DLGAP3: variants seen among roughly 807,000 people sequenced by gnomAD.
The protein encoded by DLGAP3 is disks large-associated protein 3.
Under a neutral mutation model 81.2 loss-of-function variants are expected in DLGAP3, and 17 were observed. The ratio of observed to expected loss-of-function variants is 0.21; its 90% CI spans 0.14 to 0.31. The LOEUF is 0.31. Among genes scored for constraint, DLGAP3 ranks in the 10% least tolerant of loss-of-function variants. DLGAP3 has a pLI of 1.00. For missense variants in DLGAP3, 1,124 were observed against 1,388.0 expected (o/e 0.81, Z 3.02); for synonymous variants, 577 against 587.4 (o/e 0.98, Z 0.26).
rs1007082130 is a variant in DLGAP3, at chr1:34,899,691, C to T, written c.1364G>A (p.Ser455Asn). The change falls in exon 5 of 12, where the codon AGC becomes AAC. Residue 455 changes from serine to asparagine, a missense_variant. Ser to Asn is a conservative substitution (Grantham distance 46). Transcript: ENST00000373347. ...TACCTGTCCAGTGGTGAGGGAACGG[C>T]TGTAGCCAGGGATGGAGCTCCGGGG... Reference protein sequence around the residue: ...IHPRSSIPGYSRSLTTGQLSD... With the variant: ...IHPRSSIPGYNRSLTTGQLSD... The T allele has an allele frequency of 4.3e-6, 7 of 1,613,874 alleles. No individual in the cohort carries two copies. The highest frequency in any genetic ancestry group is 1.3e-5 in the African/African-American group (1 of 74,892).
intron 1 of DLGAP3, among the ~76,000 whole-genome samples, chr1:34,909,397 C>T (rs550161209): frequency 4.6e-5 from 7 of 152,288 alleles, no homozygotes; most frequent in African/African-American, 1.7e-4. Flanking sequence ...GAGACCAGAA[C>T]GTATGTGACA....
intron 1 of DLGAP3, among the ~76,000 whole-genome samples, chr1:34,917,672 A>G (rs1219821154): frequency 6.6e-6 from 1 of 152,210 alleles, no homozygotes; most frequent in Non-Finnish European, 1.5e-5. Context: ...GTTTGTGTGC[A>G]TAGAAGCTGC....
At chr1:34,927,867 C>A (rs1159812184) in intron 1 of DLGAP3, among the ~76,000 whole-genome samples, 1 of 152,144 alleles carries the variant, frequency 6.6e-6, no homozygotes, top group African/African-American at 2.4e-5. Context: ...CACTGAAAGA[C>A]CTGGGCTGAG....
Position 34,878,630 on chromosome 1 carries a change from A to C in DLGAP3, c.2000+6348T>G, listed in dbSNP as rs540813293. On this transcript the variant is annotated intron_variant, in intron 8 of 11. Coordinates refer to ENST00000373347, the MANE Select transcript of DLGAP3 (RefSeq NM_001080418.3). ...ATGACATATCCACAATCATGGTGAG[A>C]CATTTTTAACACACCTCTCAGAACT... Among the ~76,000 whole-genome samples, 11 of 152,372 alleles carry C rather than the reference A, an allele frequency of 7.2e-5. No homozygotes were observed. In the South Asian group the frequency reaches 1.7e-3, roughly 23 times the overall value.
At chr1:34,913,109 C>A (rs1303851318) in intron 1 of DLGAP3, among the ~76,000 whole-genome samples, 1 of 152,178 alleles carries the variant, frequency 6.6e-6, no homozygotes, top group East Asian at 1.9e-4. Context: ...CTCCTTTTCC[C>A]CTCACTGCCC....
chr1:34,904,871 C>G lies in DLGAP3; in HGVS notation c.513G>C (p.Arg171=), dbSNP rs750650239. The G allele has an allele frequency of 5.3e-5, 86 of 1,610,216 alleles. No homozygotes were observed. The highest frequency in any genetic ancestry group is 6.9e-5 in the Non-Finnish European group (82 of 1,180,014). The change falls in exon 3 of 12, where the codon CGG becomes CGC. Residue 171 remains arginine, a synonymous_variant. Coordinates refer to ENST00000373347, the MANE Select transcript of DLGAP3 (RefSeq NM_001080418.3). The surrounding 1 kb of genome is among the most constrained non-coding windows in gnomAD (Gnocchi z 8.1). ...EPRSESPSRI[R]HLVHSVQKLF... is the part of the protein sequence containing the mutation. ...GCTTCTGCACAGAATGAACCAGGTG[C>G]CGGATGCGGCTAGGGCTCTCACTGC...
chr1:34,897,816 C>T (rs527630449), intron 5 of DLGAP3, among the ~76,000 whole-genome samples: 175 of 152,064 alleles, frequency 1.2e-3, no homozygotes, highest in Admixed American at 2.8e-3. Flanking sequence ...GTGGTTGGAT[C>T]CTGGATATAT....
At chr1:34,901,671 G>C (rs1193990456) in intron 3 of DLGAP3, among the ~76,000 whole-genome samples, 1 of 152,190 alleles carries the variant, frequency 6.6e-6, no homozygotes, top group Non-Finnish European at 1.5e-5. Flanking sequence ...GCACTGAAAA[G>C]TAGCTTTTGA....
At chr1:34,927,152 T>TA (rs1639885330) in intron 1 of DLGAP3, among the ~76,000 whole-genome samples, 1 of 152,188 alleles carries the variant, frequency 6.6e-6, no homozygotes, top group Admixed American at 6.5e-5. Flanking sequence ...GCGACATCTG[T>TA]AGCGCCCTCT....
chr1:34,866,717 C>A (rs561366806), intron 11 of DLGAP3, among the ~76,000 whole-genome samples: 3 of 152,198 alleles, frequency 2.0e-5, no homozygotes, highest in African/African-American at 7.2e-5. Context: ...GATGCCTAGG[C>A]CCGAACTGAG....
In DLGAP3 at chr1:34,886,301, T is replaced by TCGGG. The variant is rs1354252608; in HGVS notation, c.1387-20_1387-17dup. The TCGGG allele has an allele frequency of 4.5e-6, 7 of 1,558,710 alleles. No individual in the cohort carries two copies. Among genetic ancestry groups the TCGGG allele is most frequent in the Non-Finnish European group, 6.1e-6 (7 of 1,151,144 alleles). ...CATCGCTGAGCTGGGGGGCAGGGGG[T>TCGGG]CGGGAGGACAGTTATAAGGTGCCGG... On this transcript the variant is annotated splice_polypyrimidine_tract_variant and intron_variant, in intron 5 of 11. Transcript: ENST00000373347.
intron 1 of DLGAP3, among the ~76,000 whole-genome samples, chr1:34,923,976 T>C (rs1159200809): frequency 1.3e-5 from 2 of 152,158 alleles, no homozygotes; most frequent in African/African-American, 4.8e-5. Flanking sequence ...ATTTGAATAT[T>C]TGATTGTGCT....
intron 11 of DLGAP3, 31 bp from the exon 12 acceptor site, chr1:34,866,332 G>A: frequency 6.8e-7 from 1 of 1,477,574 alleles, no homozygotes; most frequent in Non-Finnish European, 9.0e-7. Flanking sequence ...CTGAGCTGGG[G>A]CGCCGAACCA....
At chr1:34,885,929 C>G (rs1016689274) in intron 6 of DLGAP3, 138 bp from the exon 7 acceptor site, 1 of 1,130,584 alleles carries the variant, frequency 8.8e-7, no homozygotes, top group East Asian at 2.6e-5. Flanking sequence ...GCTGCACACA[C>G]GCCAACGGAC....
At chr1:34,899,794 G>T in intron 4 of DLGAP3, 53 bp from the exon 5 acceptor site, 17 of 1,556,966 alleles carry the variant, frequency 1.1e-5, no homozygotes, top group Non-Finnish European at 1.5e-5. Flanking sequence ...AGGAGGTGGG[G>T]GAGGGGAGAT....
At chr1:34,901,758 T>G (rs1639464004) in intron 3 of DLGAP3, among the ~76,000 whole-genome samples, 1 of 152,100 alleles carries the variant, frequency 6.6e-6, no homozygotes, top group Admixed American at 6.5e-5. Context: ...CAGACCACAG[T>G]GAGGGGAGAA....
At chr1:34,869,804 A>T (rs1638952719) in intron 8 of DLGAP3, among the ~76,000 whole-genome samples, 1 of 152,154 alleles carries the variant, frequency 6.6e-6, no homozygotes, top group African/African-American at 2.4e-5. Flanking sequence ...AACAAATTCT[A>T]TGTCTATGCT....
intron 1 of DLGAP3, among the ~76,000 whole-genome samples, chr1:34,918,243 G>A (rs758493170): frequency 2.0e-5 from 3 of 152,196 alleles, no homozygotes; most frequent in Non-Finnish European, 4.4e-5. Flanking sequence ...CACAGGGAGA[G>A]AGGAGAGGCA....
intron 1 of DLGAP3, among the ~76,000 whole-genome samples, chr1:34,912,659 C>T (rs1268238095): frequency 6.6e-6 from 1 of 152,176 alleles, no homozygotes; most frequent in Non-Finnish European, 1.5e-5. Context: ...TGGCCTGGCT[C>T]CTCCATGCCT....
Sources: allele counts gnomAD v4.1 joint callset (sites outside exome capture counted in the v4.1 genomes callset), GRCh38; gene constraint gnomAD v4.1.1; non-coding constraint Gnocchi (gnomAD v3.1); transcripts MANE v1.5; gene names NCBI Gene and HGNC (gene_info 2026-07-23, HGNC 2026-07-21).